The following DCC variants were observed in gnomAD, a reference collection of about 807,000 sequenced individuals.
The protein encoded by DCC is DCC netrin 1 receptor.
In DCC, 58 loss-of-function variants were observed where a neutral mutation model predicts 172.5. The ratio of observed to expected loss-of-function variants is 0.34; its 90% confidence interval spans 0.27 to 0.42. DCC has a LOEUF of 0.42. DCC is among the 10% of genes least tolerant of loss of function. DCC has a pLI of 1.00. For missense variants in DCC, 1,740 were observed against 1,791.0 expected, an observed-to-expected ratio of 0.97 and a Z score of 0.51; for synonymous variants, 709 against 644.5, an observed-to-expected ratio of 1.10 and a Z score of -1.52.
intron 1 of DCC, among the ~76,000 whole-genome samples, chr18:52,741,627 T>C (rs2036823413): frequency 6.6e-6 from 1 of 152,170 alleles, no homozygotes; most frequent in South Asian, 2.1e-4. Context: ...TTTGCTCTCC[T>C]TATTGAAACT....
chr18:52,868,279 A>G (rs546876972), intron 2 of DCC, among the ~76,000 whole-genome samples: 19 of 152,086 alleles, frequency 1.2e-4, no homozygotes, highest in Non-Finnish European at 2.6e-4. Context: ...TTCCAGGTAT[A>G]AAATAAGTTA....
rs1016119757 is a variant in DCC, at chr18:53,448,058, T to G, written c.3230-2442T>G. On this transcript the variant is annotated intron_variant, in intron 22 of 28. Coordinates refer to ENST00000442544, the MANE Select transcript of DCC (RefSeq NM_005215.4). ...TTAAATTTTGATGAGTTTTTTTTTT[T>G]TTTTTTTTTTTTACAAAAGCAATGA... is the stretch of plus-strand genomic sequence containing the variant. 3.8e-4 allele frequency among the ~76,000 whole-genome samples: 57 copies of G among 150,912 alleles called. 1 individual carries two copies. Among genetic ancestry groups the G allele is most frequent in the African/African-American group, 1.4e-3 (56 of 41,216 alleles).
intron 5 of DCC, among the ~76,000 whole-genome samples, chr18:53,022,539 ATGTGCGTGTGTG>A (rs2041895867): frequency 8.5e-6 from 1 of 117,612 alleles, no homozygotes. Flanking sequence ...TTATATATAT[ATGTGCGTGTGTG>A]TGTGTGTGTG....
chr18:52,681,554 T>G (rs1037828740), intron 1 of DCC, among the ~76,000 whole-genome samples: 3 of 152,092 alleles, frequency 2.0e-5, no homozygotes, highest in African/African-American at 7.2e-5. Context: ...GAAATTATCC[T>G]TTGTTTACTC....
intron 25 of DCC, among the ~76,000 whole-genome samples, chr18:53,474,830 G>A (rs2045742395): frequency 6.6e-6 from 1 of 152,226 alleles, no homozygotes; most frequent in East Asian, 1.9e-4. Flanking sequence ...AGAGGCAGAG[G>A]TTGGAATAGT....
At chr18:53,046,975 C>T (rs532951229) in intron 5 of DCC, among the ~76,000 whole-genome samples, 1 of 151,536 alleles carries the variant, frequency 6.6e-6, no homozygotes, top group Admixed American at 6.6e-5. Context: ...GTTCTCCTTT[C>T]ACCGAATTTG....
chr18:53,108,740 G>T (rs1207864372), intron 7 of DCC, among the ~76,000 whole-genome samples: 1 of 151,444 alleles, frequency 6.6e-6, no homozygotes, highest in Non-Finnish European at 1.5e-5. Context: ...TGGGAGAGTC[G>T]TCCATGTTGC....
chr18:53,506,704 A>C (rs1012522435), intron 27 of DCC, among the ~76,000 whole-genome samples: 1 of 152,030 alleles, frequency 6.6e-6, no homozygotes, highest in African/African-American at 2.4e-5. Flanking sequence ...CTAAAATACA[A>C]AAAATTAGCC....
chr18:53,280,200 A>G (rs1232672986), intron 12 of DCC, among the ~76,000 whole-genome samples: 1 of 152,168 alleles, frequency 6.6e-6, no homozygotes, highest in East Asian at 1.9e-4. Context: ...GGTCTAGCAC[A>G]AGTAATAAAA....
At chr18:52,432,060 CT>C (rs1265645795) in intron 1 of DCC, among the ~76,000 whole-genome samples, 2 of 152,166 alleles carry the variant, frequency 1.3e-5, no homozygotes, top group African/African-American at 4.8e-5. Context: ...CTGTTTGCCA[CT>C]TTTATCTTCT....
At chr18:52,594,821 T>C (rs1431944155) in intron 1 of DCC, among the ~76,000 whole-genome samples, 2 of 152,142 alleles carry the variant, frequency 1.3e-5, no homozygotes, top group Non-Finnish European at 2.9e-5. Context: ...TCACTCACTG[T>C]TGCAAGGACA....
intron 1 of DCC, among the ~76,000 whole-genome samples, chr18:52,441,744 C>CA (rs1487967198): frequency 6.6e-6 from 1 of 152,168 alleles, no homozygotes. Context: ...ACTCTGCCAA[C>CA]TAATAGCAAA....
chr18:53,154,854 G>C (rs1359647280), intron 7 of DCC, among the ~76,000 whole-genome samples: 4 of 152,102 alleles, frequency 2.6e-5, no homozygotes, highest in African/African-American at 9.7e-5. Flanking sequence ...TTAGCTGCCT[G>C]TGATGTGTGG....
intron 23 of DCC, among the ~76,000 whole-genome samples, chr18:53,452,703 A>G (rs2045428851): frequency 6.6e-6 from 1 of 152,194 alleles, no homozygotes; most frequent in South Asian, 2.1e-4. Context: ...TTAGTTGTAG[A>G]GTCACTTTGG....
At chr18:52,814,965 CA>C (rs2145257220) in intron 2 of DCC, among the ~76,000 whole-genome samples, 1 of 152,098 alleles carries the variant, frequency 6.6e-6, no homozygotes, top group Admixed American at 6.5e-5. Flanking sequence ...ATGGGTCATT[CA>C]AATGTGGTGA....
At chr18:52,871,191 CT>C (rs2039312809) in intron 2 of DCC, among the ~76,000 whole-genome samples, 1 of 152,168 alleles carries the variant, frequency 6.6e-6, no homozygotes, top group Non-Finnish European at 1.5e-5. Context: ...GACTGGCCAG[CT>C]GACACGACCT....
intron 21 of DCC, among the ~76,000 whole-genome samples, chr18:53,427,837 TA>T (rs1404570029): frequency 2.2e-4 from 21 of 96,840 alleles, no homozygotes; most frequent in Non-Finnish European, 4.8e-4. Flanking sequence ...ATATGATATA[TA>T]ATATATATAT....
intron 16 of DCC, among the ~76,000 whole-genome samples, chr18:53,387,389 A>T (rs1016878414): frequency 3.9e-5 from 6 of 152,200 alleles, no homozygotes; most frequent in Non-Finnish European, 7.3e-5. Flanking sequence ...CATTGTTTCC[A>T]GGTCTACAAT....
At chr18:53,174,168 G>A (rs1046053625) in intron 8 of DCC, among the ~76,000 whole-genome samples, 11 of 144,766 alleles carry the variant, frequency 7.6e-5, no homozygotes, top group East Asian at 4.1e-4. Context: ...TCTCTGGGAC[G>A]CATTCAAAGC....
Sources: gnomAD v4.1 joint callset for allele counts (sites outside exome capture counted in the v4.1 genomes callset) on GRCh38, gnomAD v4.1.1 for gene constraint, MANE v1.5 for transcripts, NCBI Gene and HGNC (gene_info 2026-07-23, HGNC 2026-07-21) for gene names.